The following TRAPPC8 variants were observed in gnomAD, a reference collection of about 807,000 sequenced individuals.
TRAPPC8 encodes general sporulation gene 1 homolog.
A neutral mutation model predicts 174.3 loss-of-function variants in TRAPPC8; 54 were observed. The ratio of observed to expected loss-of-function variants is 0.31; its 90% CI spans 0.25 to 0.39. The LOEUF (loss-of-function observed/expected upper bound fraction) is 0.39. TRAPPC8 is among the 10% of genes least tolerant of loss of function. TRAPPC8 has a pLI of 1.00. For missense variants in TRAPPC8, 1,531 were observed against 1,699.1 expected, an observed-to-expected ratio of 0.90 and a Z score of 1.74; for synonymous variants, 630 against 579.9, an observed-to-expected ratio of 1.09 and a Z score of -1.24.
At chr18:31,919,148 T>C (rs2037268511) in intron 2 of TRAPPC8, among the ~76,000 whole-genome samples, 1 of 152,166 alleles carries the variant, frequency 6.6e-6, no homozygotes, top group Non-Finnish European at 1.5e-5. Context: ...TTACATATAG[T>C]CTGATTAGGA....
At chr18:31,842,488 TG>T (rs961264392) in intron 26 of TRAPPC8, among the ~76,000 whole-genome samples, 3 of 152,170 alleles carry the variant, frequency 2.0e-5, no homozygotes, top group Non-Finnish European at 4.4e-5. Context: ...ACAATGAAGA[TG>T]TAACTACAGA....
chr18:31,880,123 T>TA (rs1568083188), intron 12 of TRAPPC8, among the ~76,000 whole-genome samples: 54 of 55,992 alleles, frequency 9.6e-4, no homozygotes, highest in Non-Finnish European at 1.4e-3. Context: ...ATATATATAT[T>TA]TTTTTTTTTT....
intron 12 of TRAPPC8, among the ~76,000 whole-genome samples, chr18:31,877,153 G>C (rs1198419311): frequency 6.6e-6 from 1 of 152,208 alleles, no homozygotes; most frequent in Non-Finnish European, 1.5e-5. Flanking sequence ...AACAATCGCT[G>C]AAGTGGGCAG....
chr18:31,884,468 T>TA (rs1486619097), intron 12 of TRAPPC8, among the ~76,000 whole-genome samples: 5 of 152,232 alleles, frequency 3.3e-5, no homozygotes, highest in Non-Finnish European at 7.3e-5. Context: ...TCTGTAGTGA[T>TA]AGAGTTTGGT....
intron 2 of TRAPPC8, among the ~76,000 whole-genome samples, chr18:31,924,738 C>CAAAA (rs398032376): frequency 6.6e-4 from 61 of 91,828 alleles, no homozygotes; most frequent in African/African-American, 2.1e-3. Flanking sequence ...AACTCCGTCT[C>CAAAA]AAAAAAAAAA....
intron 2 of TRAPPC8, among the ~76,000 whole-genome samples, chr18:31,928,172 A>AT (rs1247294295): frequency 7.9e-5 from 12 of 151,372 alleles, no homozygotes; most frequent in African/African-American, 2.9e-4. Flanking sequence ...ATAAAATAAA[A>AT]TAAAATAAAA....
In TRAPPC8 at chr18:31,931,404, C is replaced by T; in HGVS notation, c.277G>A (p.Val93Ile). The T allele has an allele frequency of 6.2e-7, 1 of 1,612,748 alleles. No homozygotes were observed. Residue 93 changes from valine to isoleucine, a missense_variant, in exon 2 of 29, where the codon GTT becomes ATT. Physicochemically the swap from Val to Ile is conservative, Grantham distance 29. Transcript: ENST00000283351. ...GAIRKLLNDV[V>I]SGSQPAEGLV... The stretch of plus-strand genomic sequence containing the variant: ...CCTTCTGCAGGCTGACTGCCAGAAA[C>T]AACATCATTCAAAAGCTTCCGGATG...
intron 27 of TRAPPC8, among the ~76,000 whole-genome samples, chr18:31,835,702 G>T (rs1415572605): frequency 1.3e-5 from 2 of 152,148 alleles, no homozygotes; most frequent in Non-Finnish European, 2.9e-5. Flanking sequence ...GGTTACTGTG[G>T]TAACTGTGAG....
At chr18:31,914,149 AGGAGG>A (rs2037035920) in intron 4 of TRAPPC8, among the ~76,000 whole-genome samples, 1 of 148,752 alleles carries the variant, frequency 6.7e-6, no homozygotes. Flanking sequence ...AAAAAAAAAA[AGGAGG>A]AAAAACAAGA....
chr18:31,934,585 T>G (rs115678969), intron 1 of TRAPPC8, among the ~76,000 whole-genome samples: 1 of 152,120 alleles, frequency 6.6e-6, no homozygotes, highest in African/African-American at 2.4e-5. Context: ...AGTTGCTTCA[T>G]AGCTGGGCGC....
At chr18:31,919,042 CA>C (rs2037264641) in intron 2 of TRAPPC8, among the ~76,000 whole-genome samples, 1 of 152,118 alleles carries the variant, frequency 6.6e-6, no homozygotes, top group Admixed American at 6.6e-5. Context: ...GGGCTGAGGA[CA>C]AAGCCATTCA....
At chr18:31,937,710 T>C (rs2038166821) in intron 1 of TRAPPC8, 1 of 152,138 alleles carries the variant, frequency 6.6e-6, no homozygotes, top group Non-Finnish European at 1.5e-5. Context: ...TACTTTTTTT[T>C]GTTGTTTTTT....
chr18:31,934,782 G>A (rs913155499), intron 1 of TRAPPC8, among the ~76,000 whole-genome samples: 2 of 150,848 alleles, frequency 1.3e-5, no homozygotes, highest in Non-Finnish European at 1.5e-5. Context: ...CAGGAGAATC[G>A]CTTGAACCCG....
chr18:31,838,038 T>A, intron 27 of TRAPPC8, among the ~76,000 whole-genome samples: 1 of 150,058 alleles, frequency 6.7e-6, no homozygotes, highest in East Asian at 2.0e-4. Context: ...GGTGCAAACA[T>A]AGCTGACCGT....
In TRAPPC8 at chr18:31,870,961, G is replaced by A. The variant is rs1169270388; in HGVS notation, c.2222C>T (p.Ser741Leu). The part of the protein sequence containing the change: ...HPTQYCLNSY[S>L]DNSRFPLAVV... ...TGCAAGTGGAAATCTTGAATTATCTGAGTAACTGTTCAAACAGTATTGTGT... is the reference window on the plus strand; with the variant it reads ...TGCAAGTGGAAATCTTGAATTATCTAAGTAACTGTTCAAACAGTATTGTGT... The change falls in exon 15 of 29, where the codon TCA (serine) becomes TTA (leucine). Residue 741 changes from serine (S) to leucine (L), a missense_variant. Coordinates refer to ENST00000283351, the MANE Select transcript of TRAPPC8 (RefSeq NM_014939.5). 1.3e-6 allele frequency: 2 copies of A among 1,590,302 alleles called. No homozygotes were observed. The highest frequency in any genetic ancestry group is 8.6e-7 in the Non-Finnish European group (1 of 1,166,822).
chr18:31,864,747 C>T lies in TRAPPC8; in HGVS notation c.2625G>A (p.Lys875=). ...KYSLSMSVRG[K]QDLEIQGPRL... The stretch of plus-strand genomic sequence containing the variant: ...GAGGACCTTGAATTTCTAAATCCTG[C>T]TTCCCTCGGACTGACATACTCAAGG... The change falls in exon 19 of 29, where the codon AAG becomes AAA. Residue 875 remains lysine (K), a synonymous_variant. Transcript: ENST00000283351. The T allele has an allele frequency of 1.2e-6, 2 of 1,611,804 alleles. No homozygotes were observed. Among genetic ancestry groups the T allele is most frequent in the East Asian group, 2.2e-5 (1 of 44,684 alleles).
Position 31,857,900 on chromosome 18 carries a change from CA to C in TRAPPC8, c.2827del (p.Cys943ValfsTer6). On this transcript the variant is annotated frameshift_variant, in exon 20 of 29. Coordinates refer to ENST00000283351, the MANE Select transcript of TRAPPC8 (RefSeq NM_014939.5). LOFTEE classifies it high-confidence loss of function. The part of the protein sequence containing the change: ...AYVEFVNVSK[C>X]PLTGLKVVSK... ...AACAACCTTCAATCCAGTAAGTGGA[CA>C]TTTGCTGACATTGACAAATTCTACA... 6.2e-7 allele frequency: 1 copy of C among 1,614,162 alleles called. No individual in the cohort carries two copies. The highest frequency in any genetic ancestry group is 8.5e-7 in the Non-Finnish European group (1 of 1,180,016).
chr18:31,875,926 G>C (rs2035119236), intron 12 of TRAPPC8, among the ~76,000 whole-genome samples: 1 of 152,144 alleles, frequency 6.6e-6, no homozygotes, highest in African/African-American at 2.4e-5. Flanking sequence ...GTGGGTGATA[G>C]AGAATGAAGT....
At chr18:31,875,535 T>C (rs2035101121) in intron 12 of TRAPPC8, among the ~76,000 whole-genome samples, 1 of 152,134 alleles carries the variant, frequency 6.6e-6, no homozygotes, top group Non-Finnish European at 1.5e-5. Context: ...AAACACTGCC[T>C]GGGCAAGACA....
Sources: allele counts gnomAD v4.1 joint callset (sites outside exome capture counted in the v4.1 genomes callset), GRCh38; gene constraint gnomAD v4.1.1; transcripts MANE v1.5; gene names NCBI Gene and HGNC (gene_info 2026-07-23, HGNC 2026-07-21).